Variants in SEC14L5 observed in about 807,000 individuals in gnomAD.
SEC14L5 encodes the protein SEC14-like protein 5.
Under a neutral mutation model 84.6 loss-of-function variants are expected in SEC14L5, and 96 were observed. The observed-to-expected ratio is 1.13, with a 90% CI of 0.96 to 1.34. The LOEUF (loss-of-function observed/expected upper bound fraction) is 1.34. SEC14L5 is among the 40% of genes most tolerant of loss of function. The pLI is 0.00. For missense variants in SEC14L5, 1,224 were observed against 942.5 expected (o/e 1.30, Z -3.91); for synonymous variants, 546 against 383.4 (o/e 1.42, Z -4.95).
At chr16:4,967,555 TTC>T (rs1955216788) in intron 2 of SEC14L5, among the ~76,000 whole-genome samples, 1 of 144,344 alleles carries the variant, frequency 6.9e-6, no homozygotes, top group Non-Finnish European at 1.5e-5. Context: ...TGACTTTTCT[TTC>T]TTTCGTTTTT....
intron 15 of SEC14L5, among the ~76,000 whole-genome samples, chr16:5,014,212 C>A (rs574996747): frequency 1.3e-5 from 2 of 152,322 alleles, no homozygotes; most frequent in South Asian, 4.1e-4. Context: ...TGGCCAGTGG[C>A]TGGTGTGTTG....
At position 4,996,875 on chromosome 16, in the gene SEC14L5, C is replaced by G; in HGVS notation, c.801C>G (p.Ile267Met). The G allele has an allele frequency of 6.2e-7, 1 of 1,612,670 alleles. No homozygotes were observed. Among genetic ancestry groups the G allele is most frequent in the Non-Finnish European group, 8.5e-7 (1 of 1,179,358 alleles). The part of the protein sequence containing the change: ...HKGKIPKDEH[I>M]LRFLRAHDFH... ...CTCAGATTCCCAAAGATGAGCACATCCTTCGGTTCCTGCGGGCTCATGACT... is the reference window on the plus strand; with the variant it reads ...CTCAGATTCCCAAAGATGAGCACATGCTTCGGTTCCTGCGGGCTCATGACT... Residue 267 changes from isoleucine to methionine, a missense_variant, in exon 8 of 16, where the codon ATC (isoleucine) becomes ATG (methionine). Physicochemically the swap from Ile to Met is conservative, Grantham distance 10. Coordinates refer to ENST00000251170, the MANE Select transcript of SEC14L5 (RefSeq NM_014692.2).
Position 4,988,322 on chromosome 16 carries a change from C to T in SEC14L5, c.345+42C>T, listed in dbSNP as rs749697039. 4 of 1,601,818 alleles carry T rather than the reference C, an allele frequency of 2.5e-6. No individual in the cohort carries two copies. In the South Asian group the frequency reaches 3.3e-5, roughly 13 times the overall value. ...CTCAGCGCCCACGCCCGGCACCCAC[C>T]TGCGCCCGGCACCCACCTGTGCCCA... On this transcript the variant is annotated intron_variant, in intron 4 of 15. Transcript: ENST00000251170.
intron 2 of SEC14L5, 116 bp downstream of exon 2, chr16:4,959,502 T>C: frequency 1.1e-6 from 1 of 874,282 alleles, no homozygotes; most frequent in Non-Finnish European, 1.9e-6. Context: ...ATTAGTGAGT[T>C]ACTCAGCTGA....
chr16:5,012,833 T>G (rs188768602), intron 15 of SEC14L5, among the ~76,000 whole-genome samples: 2 of 151,360 alleles, frequency 1.3e-5, no homozygotes, highest in Admixed American at 6.6e-5. Context: ...AGGTGGAGAT[T>G]GCAGTGAGCT....
chr16:4,984,794 A>T (rs1421530026), intron 2 of SEC14L5, among the ~76,000 whole-genome samples: 1 of 152,214 alleles, frequency 6.6e-6, no homozygotes, highest in Non-Finnish European at 1.5e-5. Flanking sequence ...GTGACTAATG[A>T]TGTTGAACAT....
chr16:4,963,471 G>T (rs551462807), intron 2 of SEC14L5, among the ~76,000 whole-genome samples: 3 of 152,128 alleles, frequency 2.0e-5, no homozygotes, highest in Middle Eastern at 3.2e-3. Context: ...TCAGCCCCCT[G>T]AGTAGCTGAG....
At chr16:4,977,965 TA>T (rs1367199970) in intron 2 of SEC14L5, among the ~76,000 whole-genome samples, 23 of 150,122 alleles carry the variant, frequency 1.5e-4, no homozygotes, top group Non-Finnish European at 5.9e-5. Context: ...CACGCCTGGC[TA>T]ATTTTTTGCA....
At chr16:4,968,004 CCTCT>C (rs1206101751) in intron 2 of SEC14L5, among the ~76,000 whole-genome samples, 6 of 133,596 alleles carry the variant, frequency 4.5e-5, no homozygotes, top group South Asian at 2.9e-4. Context: ...TCCCTTTCTC[CCTCT>C]CTATTTTATT....
rs972447773 is a variant in SEC14L5, at chr16:4,963,826, T to G, written c.63+4440T>G. ...ACAAGCATGCACCACCATACCCGGC[T>G]AGTTTTTAAATTCTACTATATAAAA... On this transcript the variant is annotated intron_variant, in intron 2 of 15. Transcript: ENST00000251170. Among the ~76,000 whole-genome samples, 3 of 152,168 alleles carry G rather than the reference T, an allele frequency of 2.0e-5. No individual in the cohort carries two copies. In the East Asian group the frequency reaches 5.8e-4, roughly 29 times the overall value.
Position 5,011,153 on chromosome 16 carries a change from C to G in SEC14L5, c.1859C>G (p.Pro620Arg). ...VYLLQWQMHS[P>R]PSSVACSLPG... The stretch of plus-strand genomic sequence containing the variant: ...CTGCTCCAGTGGCAAATGCACAGCC[C>G]CCCCAGCAGCGTGGCCTGCAGCCTC... Residue 620 changes from proline (P) to arginine (R), a missense_variant, in exon 15 of 16, where the codon CCC (proline) becomes CGC (arginine). By Grantham distance (103) the Pro-to-Arg change is moderately radical. Transcript: ENST00000251170. 6.2e-7 allele frequency: 1 copy of G among 1,612,648 alleles called. No individual in the cohort carries two copies. Among genetic ancestry groups the G allele is most frequent in the South Asian group, 1.1e-5 (1 of 90,830 alleles).
intron 11 of SEC14L5, among the ~76,000 whole-genome samples, chr16:5,004,366 G>A (rs1417038835): frequency 6.6e-6 from 1 of 152,174 alleles, no homozygotes; most frequent in East Asian, 1.9e-4. Context: ...TCCACCTGCT[G>A]TTTGGGGTGG....
chr16:4,989,823 C>G (rs1955533421), intron 4 of SEC14L5, among the ~76,000 whole-genome samples: 1 of 152,080 alleles, frequency 6.6e-6, no homozygotes. Context: ...CCTGGGGCTG[C>G]TTGCGAAATG....
At chr16:4,996,198 C>T (rs551160745) in intron 6 of SEC14L5, 150 bp from the exon 7 acceptor site, 5 of 580,172 alleles carry the variant, frequency 8.6e-6, no homozygotes, top group African/African-American at 7.5e-5. Context: ...ATTCAGAGTC[C>T]GGTGGCTGCT....
chr16:4,996,800 A>T (rs1245042798), intron 7 of SEC14L5, 55 bp from the exon 8 acceptor site: 2 of 1,397,024 alleles, frequency 1.4e-6, no homozygotes, highest in Non-Finnish European at 2.0e-6. Context: ...CTGTAATTTT[A>T]TCTGCTGGGT....
rs907310362 is a variant in SEC14L5 at position 5,001,775 on chromosome 16, C to CT, written c.1130+860dup. ...AGCAGCTTCCTCTTCTGTAAAGTGG[C>CT]TTTTTTTTTTCCTTTGAGACAGGCT... On this transcript the variant is annotated intron_variant, in intron 10 of 15. Coordinates refer to ENST00000251170, the MANE Select transcript of SEC14L5 (RefSeq NM_014692.2). Among the ~76,000 whole-genome samples, 817 of 149,308 alleles carry CT rather than the reference C, an allele frequency of 5.5e-3. 5 individuals carry two copies. Among genetic ancestry groups the CT allele is most frequent in the African/African-American group, 0.018 (748 of 40,674 alleles).
intron 11 of SEC14L5, 51 bp downstream of exon 11, chr16:5,003,624 G>GGGGGGCCCCC: frequency 6.6e-6 from 2 of 305,310 alleles, no homozygotes. Flanking sequence ...GGTGGGATGG[G>GGGGGGCCCCC]AGGGGTTCCG....
At chr16:5,013,509 C>T (rs1955831796) in intron 15 of SEC14L5, among the ~76,000 whole-genome samples, 1 of 150,464 alleles carries the variant, frequency 6.6e-6, no homozygotes, top group African/African-American at 2.4e-5. Context: ...ACCTCAGCTT[C>T]CCAAGTAGCT....
chr16:4,959,353 A>C lies in SEC14L5; in HGVS notation c.30A>C (p.Arg10=). MVQRYQSPV[R]VYKYPFELVM... Reference sequence around the variant, plus strand: ...TGCAAAGATACCAGTCTCCTGTCCGAGTCTACAAGTACCCGTTTGAGCTGG... The same window carrying C: ...TGCAAAGATACCAGTCTCCTGTCCGCGTCTACAAGTACCCGTTTGAGCTGG... The change falls in exon 2 of 16, where the codon CGA becomes CGC. Residue 10 remains arginine (R), a synonymous_variant. Transcript: ENST00000251170. 1 of 1,613,830 alleles carries C rather than the reference A, an allele frequency of 6.2e-7. No homozygotes were observed. Among genetic ancestry groups the C allele is most frequent in the Non-Finnish European group, 8.5e-7 (1 of 1,179,804 alleles).
Sources: allele counts gnomAD v4.1 joint callset (sites outside exome capture counted in the v4.1 genomes callset), GRCh38; gene constraint gnomAD v4.1.1; transcripts MANE v1.5; gene names NCBI Gene and HGNC (gene_info 2026-07-23, HGNC 2026-07-21).